The following AFG2A variants were observed in gnomAD, a reference collection of about 807,000 sequenced individuals.
AFG2A encodes the protein AAA ATPase AFG2A, also known as ATPase family gene 2 protein homolog A.
chr4:123,210,879 T>C, the AFG2A span, among the ~76,000 whole-genome samples: 1 of 151,596 alleles, frequency 6.6e-6, no homozygotes, highest in African/African-American at 2.4e-5. Context: ...TCCAACTTAA[T>C]TTTTTTTTCC....
chr4:123,240,096 G>A, the AFG2A span, among the ~76,000 whole-genome samples: 1 of 152,142 alleles, frequency 6.6e-6, no homozygotes, highest in Non-Finnish European at 1.5e-5. Context: ...ATTACATAAT[G>A]GTAAAGGGAT....
the AFG2A span, among the ~76,000 whole-genome samples, chr4:123,258,858 C>CTT: frequency 0.019 from 1,697 of 90,180 alleles, 16 homozygotes; most frequent in Non-Finnish European, 0.024. Context: ...GATACTGGTA[C>CTT]TTTTTTTTTT....
the AFG2A span, among the ~76,000 whole-genome samples, chr4:123,191,624 C>G: frequency 6.6e-6 from 1 of 152,070 alleles, no homozygotes; most frequent in African/African-American, 2.4e-5. Flanking sequence ...CTCATTCTCT[C>G]ATCTATCCAT....
the AFG2A span, among the ~76,000 whole-genome samples, chr4:123,020,406 G>C: frequency 1.3e-5 from 2 of 150,570 alleles, no homozygotes; most frequent in Non-Finnish European, 2.9e-5. Flanking sequence ...TTCACTCTTG[G>C]CGTTCAGGCT....
At chr4:123,104,788 C>T in the AFG2A span, among the ~76,000 whole-genome samples, 1 of 152,180 alleles carries the variant, frequency 6.6e-6, no homozygotes, top group African/African-American at 2.4e-5. Flanking sequence ...TAATGCTCTT[C>T]AATTCTGTGA....
At chr4:123,160,417 GCTAATCACCTAATA>G in the AFG2A span, among the ~76,000 whole-genome samples, 18 of 152,082 alleles carry the variant, frequency 1.2e-4, no homozygotes, top group African/African-American at 4.1e-4. Context: ...ATCCCTAACT[GCTAATCACCTAATA>G]CTACAATGTA....
chr4:123,308,089 A>C, the AFG2A span, among the ~76,000 whole-genome samples: 1 of 152,234 alleles, frequency 6.6e-6, no homozygotes, highest in African/African-American at 2.4e-5. Flanking sequence ...TTTCTATGAC[A>C]ATACAACAAA....
the AFG2A span, among the ~76,000 whole-genome samples, chr4:123,043,876 A>C: frequency 1.3e-5 from 2 of 152,206 alleles, no homozygotes; most frequent in Non-Finnish European, 2.9e-5. Context: ...TCACTTTCTC[A>C]AAACACTTGC....
At chr4:123,183,053 A>T in the AFG2A span, among the ~76,000 whole-genome samples, 1 of 152,206 alleles carries the variant, frequency 6.6e-6, no homozygotes, top group Non-Finnish European at 1.5e-5. Context: ...CATGAACCAG[A>T]CTTATTAAAT....
chr4:122,935,596 G>C, the AFG2A span: 1 of 1,222,670 alleles, frequency 8.2e-7, no homozygotes, highest in Non-Finnish European at 1.1e-6. Flanking sequence ...AAAAACTCTT[G>C]ACTCTTTTTG....
At chr4:123,191,594 AT>A in the AFG2A span, among the ~76,000 whole-genome samples, 2 of 151,860 alleles carry the variant, frequency 1.3e-5, no homozygotes, top group African/African-American at 4.8e-5. Context: ...TTATCTTCGT[AT>A]TTCTTTCTCT....
the AFG2A span, among the ~76,000 whole-genome samples, chr4:123,003,498 T>G: frequency 2.6e-5 from 4 of 152,190 alleles, no homozygotes; most frequent in African/African-American, 9.7e-5. Flanking sequence ...GGATGTCCTT[T>G]CTGTTTGTTA....
At chr4:122,934,849 AGTAG>A in the AFG2A span, 1 of 1,338,614 alleles carries the variant, frequency 7.5e-7, no homozygotes, top group Middle Eastern at 2.8e-4. Flanking sequence ...TTTTCTGAGT[AGTAG>A]GTATGGTAGA....
At chr4:123,224,308 C>T in the AFG2A span, among the ~76,000 whole-genome samples, 1 of 151,926 alleles carries the variant, frequency 6.6e-6, no homozygotes, top group Non-Finnish European at 1.5e-5. Flanking sequence ...TGTGCTGCAC[C>T]CATTAACTCG....
the AFG2A span, among the ~76,000 whole-genome samples, chr4:123,142,679 A>G: frequency 2.0e-5 from 3 of 152,130 alleles, no homozygotes; most frequent in Non-Finnish European, 4.4e-5. Context: ...ATGCTCTCTC[A>G]GGGTTAATCT....
At chr4:123,227,685 C>T in the AFG2A span, among the ~76,000 whole-genome samples, 28 of 152,240 alleles carry the variant, frequency 1.8e-4, no homozygotes, top group Admixed American at 5.2e-4. Flanking sequence ...AATGTATATT[C>T]GGTTGATTTG....
chr4:123,047,574 C>CTT, the AFG2A span, among the ~76,000 whole-genome samples: 1 of 150,588 alleles, frequency 6.6e-6, no homozygotes, highest in Non-Finnish European at 1.5e-5. Context: ...GGTAATTTGT[C>CTT]TTTTTTTTTG....
At chr4:123,041,277 A>ATTT in the AFG2A span, among the ~76,000 whole-genome samples, 3,914 of 118,096 alleles carry the variant, frequency 0.033, 180 homozygotes, top group East Asian at 0.15. Flanking sequence ...CGCCCAGCTA[A>ATTT]TTTTTTTTTT....
chr4:123,312,689 C>CT, the AFG2A span, among the ~76,000 whole-genome samples: 1 of 152,164 alleles, frequency 6.6e-6, no homozygotes, highest in Non-Finnish European at 1.5e-5. Flanking sequence ...TAGCCACCCT[C>CT]TTTTTTCAGA....
Sources: allele counts gnomAD v4.1 joint callset (sites outside exome capture counted in the v4.1 genomes callset), GRCh38; gene constraint gnomAD v4.1.1; transcripts MANE v1.5; gene names NCBI Gene and HGNC (gene_info 2026-07-23, HGNC 2026-07-21).